The following SUSD1 variants were observed in gnomAD, a reference collection of about 807,000 sequenced individuals.
The protein encoded by SUSD1 is sushi domain containing 1.
SUSD1 carries 65 observed loss-of-function variants against 86.9 expected under a neutral mutation model. The ratio of observed to expected loss-of-function variants is 0.75; its 90% CI spans 0.61 to 0.92. The LOEUF is 0.92. SUSD1 is among the 40% of genes least tolerant of loss of function. The pLI is 0.00. For missense variants in SUSD1, 850 were observed against 929.7 expected, an observed-to-expected ratio of 0.91 and a Z score of 1.11; for synonymous variants, 346 against 350.0, an observed-to-expected ratio of 0.99 and a Z score of 0.13.
chr9:112,103,576 C>A (rs1397234134), intron 8 of SUSD1, among the ~76,000 whole-genome samples: 1 of 152,214 alleles, frequency 6.6e-6, no homozygotes, highest in Non-Finnish European at 1.5e-5. Context: ...TCATTATCAT[C>A]TGAATTCAGG....
intron 8 of SUSD1, among the ~76,000 whole-genome samples, 197 bp downstream of exon 8, chr9:112,111,457 C>G (rs1340269433): frequency 6.6e-6 from 1 of 152,150 alleles, no homozygotes; most frequent in Non-Finnish European, 1.5e-5. Flanking sequence ...AAAAATACCC[C>G]AGAGCCCATT....
At chr9:112,165,041 C>T (rs1329354902) in intron 1 of SUSD1, among the ~76,000 whole-genome samples, 1 of 152,232 alleles carries the variant, frequency 6.6e-6, no homozygotes, top group African/African-American at 2.4e-5. Flanking sequence ...TGGGGAGGAG[C>T]CCTATATTTT....
chr9:112,134,939 G>A (rs2564896), intron 5 of SUSD1, among the ~76,000 whole-genome samples: 5 of 151,822 alleles, frequency 3.3e-5, no homozygotes, highest in Non-Finnish European at 5.9e-5. Flanking sequence ...TGAGGCAGGC[G>A]CCTGTAATCC....
chr9:112,150,576 T>C (rs1748031643), intron 2 of SUSD1, among the ~76,000 whole-genome samples: 1 of 152,200 alleles, frequency 6.6e-6, no homozygotes, highest in South Asian at 2.1e-4. Context: ...GATTGTGTCA[T>C]TAGGCAAGTT....
chr9:112,142,598 C>CACACA, intron 4 of SUSD1, 99 bp from the exon 5 acceptor site: 3 of 1,133,398 alleles, frequency 2.6e-6, no homozygotes, highest in Non-Finnish European at 3.7e-6. Flanking sequence ...CACACACACA[C>CACACA]CCCCGAGCCA....
chr9:112,060,109 A>G (rs1270396796), intron 13 of SUSD1, among the ~76,000 whole-genome samples: 1 of 152,096 alleles, frequency 6.6e-6, no homozygotes, highest in African/African-American at 2.4e-5. Flanking sequence ...CCTGCTTCAC[A>G]TGTCAAACGC....
chr9:112,150,420 GC>G (rs1832996036), intron 2 of SUSD1, among the ~76,000 whole-genome samples: 1 of 152,100 alleles, frequency 6.6e-6, no homozygotes. Context: ...TCACCAGTGG[GC>G]CCCTCATATC....
chr9:112,172,684 G>T (rs916425682), intron 1 of SUSD1, among the ~76,000 whole-genome samples: 1 of 152,084 alleles, frequency 6.6e-6, no homozygotes, highest in East Asian at 1.9e-4. Context: ...TTCCCCTTCT[G>T]TTCCCTTGCA....
intron 10 of SUSD1, among the ~76,000 whole-genome samples, chr9:112,094,018 T>G (rs1196031738): frequency 1.3e-5 from 2 of 152,134 alleles, no homozygotes; most frequent in African/African-American, 4.8e-5. Flanking sequence ...AAGGTTTATG[T>G]GGTTAGAGCA....
chr9:112,098,350 G>A, intron 10 of SUSD1, 120 bp downstream of exon 10: 1 of 1,001,948 alleles, frequency 1.0e-6, no homozygotes. Flanking sequence ...AACAAAGTTT[G>A]TTAGAACTGG....
chr9:112,160,722 T>C (rs1377513651), intron 1 of SUSD1, among the ~76,000 whole-genome samples: 1 of 152,148 alleles, frequency 6.6e-6, no homozygotes, highest in East Asian at 1.9e-4. Context: ...GTAATTGCCT[T>C]AGCAGAGAGG....
intron 10 of SUSD1, among the ~76,000 whole-genome samples, chr9:112,087,293 T>C (rs1564283049): frequency 6.6e-6 from 1 of 152,186 alleles, no homozygotes; most frequent in Non-Finnish European, 1.5e-5. Context: ...GTGACTCTTC[T>C]GCCTCAGCCT....
intron 15 of SUSD1, among the ~76,000 whole-genome samples, chr9:112,043,853 T>C (rs1827846212): frequency 6.6e-6 from 1 of 152,166 alleles, no homozygotes; most frequent in Non-Finnish European, 1.5e-5. Flanking sequence ...CAGGCTGGAG[T>C]GCAGTGGCAT....
At chr9:112,051,624 T>C (rs1828217266) in intron 15 of SUSD1, among the ~76,000 whole-genome samples, 2 of 151,630 alleles carry the variant, frequency 1.3e-5, no homozygotes, top group South Asian at 2.1e-4. Context: ...AGAGACAGGG[T>C]TTCTCCATGT....
At chr9:112,164,274 A>T (rs1833689460) in intron 1 of SUSD1, among the ~76,000 whole-genome samples, 1 of 152,146 alleles carries the variant, frequency 6.6e-6, no homozygotes, top group Non-Finnish European at 1.5e-5. Flanking sequence ...GTATAGGGGG[A>T]AGCACTGGAC....
At position 112,101,325 on chromosome 9, in the gene SUSD1, G is replaced by A. The variant is rs547566705; in HGVS notation, c.1281+851C>T. Among the ~76,000 whole-genome samples, 27 of 151,960 alleles carry A rather than the reference G, an allele frequency of 1.8e-4. No homozygotes were observed. The East Asian group carries it at 5.2e-3, about 29-fold the overall frequency. ...CGCAGTGAGCCAAGATCGCCTCCCT[G>A]CACTCCAACCTGGGTAACAGAGCAA... On this transcript the variant is annotated intron_variant, in intron 9 of 16. Coordinates refer to ENST00000374270, the MANE Select transcript of SUSD1 (RefSeq NM_022486.5).
At chr9:112,132,276 C>G (rs553233643) in intron 5 of SUSD1, among the ~76,000 whole-genome samples, 1 of 152,254 alleles carries the variant, frequency 6.6e-6, no homozygotes, top group African/African-American at 2.4e-5. Flanking sequence ...AAGTGACCAA[C>G]AATGCCAATA....
At chr9:112,147,092 A>G (rs1291258898) in intron 3 of SUSD1, among the ~76,000 whole-genome samples, 1 of 152,226 alleles carries the variant, frequency 6.6e-6, no homozygotes, top group East Asian at 1.9e-4. Flanking sequence ...CCTTCCTCAC[A>G]GCCAAGATAA....
intron 5 of SUSD1, among the ~76,000 whole-genome samples, chr9:112,125,542 GA>G (rs5899987): frequency 5.6e-5 from 8 of 142,276 alleles, no homozygotes; most frequent in South Asian, 2.2e-4. Flanking sequence ...AACGCAGAAA[GA>G]AAAAAAAAAT....
Sources: allele counts gnomAD v4.1 joint callset (sites outside exome capture counted in the v4.1 genomes callset), GRCh38; gene constraint gnomAD v4.1.1; transcripts MANE v1.5; gene names NCBI Gene and HGNC (gene_info 2026-07-23, HGNC 2026-07-21).